Variants in GRIK1 observed in about 807,000 individuals in gnomAD.
GRIK1 encodes the protein glutamate ionotropic receptor kainate type subunit 1.
In GRIK1, 69 loss-of-function variants were observed where a neutral mutation model predicts 105.7. The observed-to-expected ratio is 0.65, with a 90% confidence interval of 0.54 to 0.80. GRIK1 has a LOEUF of 0.80. GRIK1 is among the 30% of genes least tolerant of loss of function. The pLI, the probability that GRIK1 is intolerant of heterozygous loss-of-function variation, is 0.00. For synonymous variants in GRIK1, 438 were observed against 431.3 expected (o/e 1.02, Z -0.19); for missense variants, 1,109 against 1,167.3 (o/e 0.95, Z 0.73).
In GRIK1 at chr21:29,537,430, G is replaced by T. The variant is rs201908048; in HGVS notation, c.2695-45C>A. On this transcript the variant is annotated intron_variant, in intron 17 of 17. Coordinates refer to ENST00000327783, the MANE Select transcript of GRIK1 (RefSeq NM_001330994.2). ...GACCATCAGCTTAATTAAGCCTATC[G>T]CATGTGCCGTTGACCTGCCTCTTGC... is the stretch of plus-strand genomic sequence containing the variant. 84 of 1,506,790 alleles carry T rather than the reference G, an allele frequency of 5.6e-5. No homozygotes were observed. In the East Asian group the frequency reaches 1.8e-3, roughly 33 times the overall value. 93.3% of individuals were successfully genotyped at this position (1,506,790 alleles called of 1,614,324 possible).
At chr21:29,744,562 G>GA (rs140930760) in intron 1 of GRIK1, among the ~76,000 whole-genome samples, 6 of 140,298 alleles carry the variant, frequency 4.3e-5, no homozygotes, top group Non-Finnish European at 9.4e-5. Context: ...TCTCAGCTAG[G>GA]TTTTTTTTTT....
chr21:29,723,364 A>T (rs1317040818), intron 1 of GRIK1, among the ~76,000 whole-genome samples: 1 of 152,236 alleles, frequency 6.6e-6, no homozygotes, highest in Non-Finnish European at 1.5e-5. Flanking sequence ...AACTATTTTT[A>T]AAAGCACATT....
At position 29,935,062 on chromosome 21, in the gene GRIK1, G is replaced by A. The variant is rs2071701898; in HGVS notation, c.118+4321C>T. Among the ~76,000 whole-genome samples the A allele has an allele frequency of 3.3e-5, 5 of 152,034 alleles. No individual in the cohort carries two copies. The South Asian group carries it at 1.0e-3, about 32-fold the overall frequency. ...GCCTCTCTCAGTGACTCTACCTCCA[G>A]CCACAGAGGTCTTCCTAAACACAGG... On this transcript the variant is annotated intron_variant, in intron 1 of 17. Coordinates refer to ENST00000327783, the MANE Select transcript of GRIK1 (RefSeq NM_001330994.2).
intron 1 of GRIK1, among the ~76,000 whole-genome samples, chr21:29,895,044 G>A (rs1471125387): frequency 1.3e-5 from 2 of 152,158 alleles, no homozygotes; most frequent in Non-Finnish European, 2.9e-5. Context: ...CATGAGAATT[G>A]ATACGGATCT....
chr21:29,645,186 C>T (rs976751167), intron 6 of GRIK1, among the ~76,000 whole-genome samples: 36 of 152,070 alleles, frequency 2.4e-4, no homozygotes, highest in African/African-American at 8.7e-4. Context: ...AATAGGTATA[C>T]AGACAGGGAA....
chr21:29,690,734 T>C (rs2063569199), intron 2 of GRIK1, among the ~76,000 whole-genome samples: 1 of 151,650 alleles, frequency 6.6e-6, no homozygotes, highest in Non-Finnish European at 1.5e-5. Context: ...AATTTAGTTG[T>C]AACATAAATG....
chr21:29,679,423 T>C (rs954242721), intron 3 of GRIK1, among the ~76,000 whole-genome samples: 1 of 152,206 alleles, frequency 6.6e-6, no homozygotes, highest in Non-Finnish European at 1.5e-5. Flanking sequence ...CTGGTGCTCA[T>C]TTCCTTGATG....
chr21:29,730,470 C>T (rs1266190759), intron 1 of GRIK1, among the ~76,000 whole-genome samples: 2 of 152,172 alleles, frequency 1.3e-5, no homozygotes, highest in African/African-American at 2.4e-5. Flanking sequence ...ATGAGCTCTT[C>T]AGAGTGAAAA....
At chr21:29,710,112 G>A (rs1219970554) in intron 1 of GRIK1, among the ~76,000 whole-genome samples, 1 of 151,600 alleles carries the variant, frequency 6.6e-6, no homozygotes, top group Non-Finnish European at 1.5e-5. Context: ...ATCTCAATAT[G>A]CATTGAATTT....
chr21:29,865,470 T>C (rs2068772708), intron 1 of GRIK1, among the ~76,000 whole-genome samples: 1 of 152,214 alleles, frequency 6.6e-6, no homozygotes, highest in South Asian at 2.1e-4. Flanking sequence ...ACTTGAGAAG[T>C]AATAATCAGC....
chr21:29,849,091 A>G (rs1397028781), intron 1 of GRIK1, among the ~76,000 whole-genome samples: 1 of 152,166 alleles, frequency 6.6e-6, no homozygotes, highest in Non-Finnish European at 1.5e-5. Context: ...TATTAAATGA[A>G]TAAATGAATG....
chr21:29,839,718 T>A (rs904217041), intron 1 of GRIK1, among the ~76,000 whole-genome samples: 2 of 152,090 alleles, frequency 1.3e-5, no homozygotes, highest in Admixed American at 1.3e-4. Context: ...AAGACAATAC[T>A]TTGTGGGTTT....
At chr21:29,842,081 A>G (rs1390421860) in intron 1 of GRIK1, among the ~76,000 whole-genome samples, 1 of 152,172 alleles carries the variant, frequency 6.6e-6, no homozygotes, top group Non-Finnish European at 1.5e-5. Flanking sequence ...CAGCAAACTC[A>G]CTAGTGTGAT....
At chr21:29,790,541 G>A (rs896023460) in intron 1 of GRIK1, among the ~76,000 whole-genome samples, 5 of 151,194 alleles carry the variant, frequency 3.3e-5, no homozygotes, top group Non-Finnish European at 5.9e-5. Flanking sequence ...CTGCAGCCTC[G>A]AACTTCCAGG....
intron 1 of GRIK1, among the ~76,000 whole-genome samples, chr21:29,813,961 C>T (rs1036500188): frequency 2.1e-5 from 3 of 144,572 alleles, no homozygotes; most frequent in African/African-American, 7.7e-5. Flanking sequence ...ATTGCCTAGG[C>T]TGGAGTGCAG....
At chr21:29,751,184 G>T (rs542653942) in intron 1 of GRIK1, among the ~76,000 whole-genome samples, 1 of 152,310 alleles carries the variant, frequency 6.6e-6, no homozygotes, top group East Asian at 1.9e-4. Context: ...TATACGTGCA[G>T]GTCACAGGGG....
At position 29,774,632 on chromosome 21, in the gene GRIK1, A is replaced by G. The variant is rs1409011836; in HGVS notation, c.119-80569T>C. On this transcript the variant is annotated intron_variant, in intron 1 of 17. Transcript: ENST00000327783. ...ATGACTGGCTAATTTTTGTATTTTTAGTGGAGACAGGGTTTTACCATATTG... is the reference window on the plus strand; with the variant it reads ...ATGACTGGCTAATTTTTGTATTTTTGGTGGAGACAGGGTTTTACCATATTG... Among the ~76,000 whole-genome samples, 4 of 151,862 alleles carry G rather than the reference A, an allele frequency of 2.6e-5. No individual in the cohort carries two copies. In the South Asian group the frequency reaches 8.3e-4, roughly 32 times the overall value.
chr21:29,615,396 G>A (rs1246274809), intron 7 of GRIK1, among the ~76,000 whole-genome samples: 1 of 151,940 alleles, frequency 6.6e-6, no homozygotes, highest in African/African-American at 2.4e-5. Flanking sequence ...TGTAACTTCT[G>A]CCTCCCAGGT....
At chr21:29,581,703 G>A (rs538294826) in intron 12 of GRIK1, among the ~76,000 whole-genome samples, 160 bp from the exon 13 acceptor site, 16 of 152,176 alleles carry the variant, frequency 1.1e-4, no homozygotes, top group African/African-American at 3.9e-4. Flanking sequence ...AGCTTTGGTG[G>A]GCAAAGTGCA....
Sources: gnomAD v4.1 joint callset for allele counts (sites outside exome capture counted in the v4.1 genomes callset) on GRCh38, gnomAD v4.1.1 for gene constraint, MANE v1.5 for transcripts, NCBI Gene and HGNC (gene_info 2026-07-23, HGNC 2026-07-21) for gene names.